The following CDA variants were observed in gnomAD, a reference collection of about 807,000 sequenced individuals.
CDA encodes cytidine aminohydrolase.
A neutral mutation model predicts 15.0 loss-of-function variants in CDA; 7 were observed. That is an observed-to-expected ratio of 0.47 (90% CI 0.26 to 0.87). CDA has a LOEUF of 0.87. Ranked by LOEUF, CDA falls within the 40% of genes least tolerant of loss-of-function variation. The probability of loss-of-function intolerance (pLI) is 0.15; values close to 1 mark genes in which losing one functional copy is unlikely to be tolerated. For missense variants in CDA, 159 were observed against 182.7 expected (o/e 0.87, Z 0.75); for synonymous variants, 58 against 73.0 (o/e 0.79, Z 1.05).
intron 3 of CDA, among the ~76,000 whole-genome samples, chr1:20,616,381 A>C (rs1210690754): frequency 6.6e-6 from 1 of 152,208 alleles, no homozygotes; most frequent in African/African-American, 2.4e-5. Flanking sequence ...GTTTCAAAGC[A>C]TCTGGGGATG....
intron 2 of CDA, among the ~76,000 whole-genome samples, chr1:20,609,119 C>T (rs1188746858): frequency 6.6e-6 from 1 of 152,188 alleles, no homozygotes; most frequent in African/African-American, 2.4e-5. Flanking sequence ...GCTTGCCCAC[C>T]TTGAAATCCC....
chr1:20,589,927 G>A (rs558605122), intron 1 of CDA, among the ~76,000 whole-genome samples: 3 of 151,408 alleles, frequency 2.0e-5, no homozygotes, highest in Non-Finnish European at 3.0e-5. Context: ...GCCCTGCGGG[G>A]CGGGGGCGGG....
intron 3 of CDA, 81 bp from the exon 4 acceptor site, chr1:20,618,371 G>GCAGAGT: frequency 2.6e-6 from 2 of 761,444 alleles, no homozygotes; most frequent in Non-Finnish European, 4.7e-6. Context: ...TTAGACAGTG[G>GCAGAGT]CAGAGTCAGA....
intron 2 of CDA, among the ~76,000 whole-genome samples, chr1:20,611,858 G>GT (rs931172727): frequency 5.9e-5 from 9 of 151,690 alleles, no homozygotes; most frequent in African/African-American, 2.2e-4. Context: ...TGCACATACT[G>GT]TTTTTTTGTT....
chr1:20,611,126 G>C (rs2052747071), intron 2 of CDA, among the ~76,000 whole-genome samples: 1 of 152,160 alleles, frequency 6.6e-6, no homozygotes, highest in Non-Finnish European at 1.5e-5. Flanking sequence ...TGCAGTCCCA[G>C]CTACTCAGGA....
At chr1:20,601,960 A>C (rs2052648121) in intron 1 of CDA, among the ~76,000 whole-genome samples, 1 of 152,000 alleles carries the variant, frequency 6.6e-6, no homozygotes, top group South Asian at 2.1e-4. Flanking sequence ...CTCTACAAAA[A>C]AATACAAAAA....
chr1:20,595,350 AC>A (rs35234793), intron 1 of CDA, among the ~76,000 whole-genome samples: 52,350 of 151,186 alleles, frequency 0.35, 9,443 homozygotes, highest in East Asian at 0.45. Context: ...CCCTCAAACC[AC>A]CCCCTGCTGT....
chr1:20,592,966 A>C (rs1161589568), intron 1 of CDA, among the ~76,000 whole-genome samples: 2 of 152,128 alleles, frequency 1.3e-5, no homozygotes, highest in Admixed American at 6.6e-5. Flanking sequence ...GGTGGCGTGC[A>C]TCTGTGGTCC....
At chr1:20,617,490 G>C (rs2052824273) in intron 3 of CDA, among the ~76,000 whole-genome samples, 1 of 152,046 alleles carries the variant, frequency 6.6e-6, no homozygotes, top group South Asian at 2.1e-4. Context: ...ATGGGGGCGG[G>C]TCTTTCCCAC....
At chr1:20,593,691 T>C (rs184166694) in intron 1 of CDA, among the ~76,000 whole-genome samples, 1 of 152,268 alleles carries the variant, frequency 6.6e-6, no homozygotes, top group Non-Finnish European at 1.5e-5. Context: ...CCTCCTGTCT[T>C]AGCCTCCCAA....
intron 1 of CDA, among the ~76,000 whole-genome samples, chr1:20,590,673 T>C (rs2052539530): frequency 2.0e-5 from 3 of 152,210 alleles, no homozygotes; most frequent in African/African-American, 4.8e-5. Context: ...CCTTGGGACT[T>C]TGTGCTGCAG....
chr1:20,601,014 T>C (rs1455818856), intron 1 of CDA, among the ~76,000 whole-genome samples: 7 of 152,214 alleles, frequency 4.6e-5, no homozygotes, highest in African/African-American at 1.7e-4. Context: ...AACTGATCTC[T>C]GTATGGTTTC....
intron 1 of CDA, among the ~76,000 whole-genome samples, chr1:20,590,469 G>A (rs532026810): frequency 3.9e-5 from 6 of 152,208 alleles, no homozygotes; most frequent in South Asian, 4.2e-4. Context: ...CACCACCACC[G>A]CAAACACCAT....
At chr1:20,608,298 G>A (rs1429412574) in intron 2 of CDA, among the ~76,000 whole-genome samples, 1 of 148,624 alleles carries the variant, frequency 6.7e-6, no homozygotes, top group Non-Finnish European at 1.5e-5. Flanking sequence ...CTTCTCATCT[G>A]TGAAATGGAG....
chr1:20,602,681 A>G (rs1271777381), intron 1 of CDA, among the ~76,000 whole-genome samples: 1 of 151,864 alleles, frequency 6.6e-6, no homozygotes, highest in African/African-American at 2.4e-5. Flanking sequence ...TGGCCTCCCA[A>G]AGTGCTGGGA....
At chr1:20,616,156 T>C (rs2052800021) in intron 3 of CDA, among the ~76,000 whole-genome samples, 1 of 152,196 alleles carries the variant, frequency 6.6e-6, no homozygotes. Context: ...CATATGGGTA[T>C]CCATGGCCCA....
chr1:20,610,978 G>A (rs1200019667), intron 2 of CDA, among the ~76,000 whole-genome samples: 4 of 152,218 alleles, frequency 2.6e-5, no homozygotes, highest in Non-Finnish European at 5.9e-5. Flanking sequence ...GGTGGCTCAT[G>A]TCTGTAATCC....
intron 1 of CDA, among the ~76,000 whole-genome samples, chr1:20,603,093 G>A (rs1557548179): frequency 6.6e-6 from 1 of 152,196 alleles, no homozygotes; most frequent in East Asian, 1.9e-4. Context: ...CCAAATAACA[G>A]ACTAGGAGGA....
At chr1:20,596,063 C>T (rs1002095770) in intron 1 of CDA, among the ~76,000 whole-genome samples, 1 of 151,992 alleles carries the variant, frequency 6.6e-6, no homozygotes, top group Non-Finnish European at 1.5e-5. Flanking sequence ...GCAGGAGAAT[C>T]GCTTGAACCT....
Sources: gnomAD v4.1 joint callset for allele counts (sites outside exome capture counted in the v4.1 genomes callset) on GRCh38, gnomAD v4.1.1 for gene constraint, MANE v1.5 for transcripts, NCBI Gene and HGNC (gene_info 2026-07-23, HGNC 2026-07-21) for gene names.